Variants in LRRIQ1 observed in about 807,000 individuals in gnomAD.
LRRIQ1 encodes the protein leucine rich repeats and IQ motif containing 1.
Under a neutral mutation model 211.9 loss-of-function variants are expected in LRRIQ1, and 210 were observed. That is an observed-to-expected ratio of 0.99 (90% CI 0.89 to 1.11). LRRIQ1 has a LOEUF of 1.11. LRRIQ1 is among the 50% of genes most tolerant of loss of function. LRRIQ1 has a pLI of 0.00. For missense variants in LRRIQ1, 2,136 were observed against 1,939.5 expected, an observed-to-expected ratio of 1.10 and a Z score of -1.90; for synonymous variants, 699 against 650.1, an observed-to-expected ratio of 1.08 and a Z score of -1.14.
chr12:85,149,227 T>C (rs938245955), intron 19 of LRRIQ1, among the ~76,000 whole-genome samples: 1 of 152,078 alleles, frequency 6.6e-6, no homozygotes, highest in Non-Finnish European at 1.5e-5. Flanking sequence ...TCTTTGCCTA[T>C]GCCTGTGTCC....
chr12:85,101,777 A>G (rs1886361726), intron 13 of LRRIQ1, among the ~76,000 whole-genome samples: 1 of 151,776 alleles, frequency 6.6e-6, no homozygotes, highest in African/African-American at 2.4e-5. Flanking sequence ...TGAAAAGATT[A>G]CTTTCAATAT....
intron 26 of LRRIQ1, among the ~76,000 whole-genome samples, chr12:85,240,736 T>G (rs1895422948): frequency 6.6e-6 from 1 of 152,108 alleles, no homozygotes; most frequent in African/African-American, 2.4e-5. Flanking sequence ...GAACATTATG[T>G]TGAGTTAAAA....
chr12:85,156,198 C>CT (rs1156323637), intron 23 of LRRIQ1, among the ~76,000 whole-genome samples: 3 of 151,472 alleles, frequency 2.0e-5, no homozygotes, highest in Non-Finnish European at 4.4e-5. Context: ...TTTTGTTTTG[C>CT]TTTTTTTATC....
chr12:85,167,972 T>C (rs1052724874), intron 24 of LRRIQ1, among the ~76,000 whole-genome samples: 3 of 152,080 alleles, frequency 2.0e-5, no homozygotes, highest in African/African-American at 7.2e-5. Context: ...AATCCTGTCA[T>C]GAAGTCAATA....
chr12:85,182,618 T>C (rs1892036370), intron 24 of LRRIQ1, among the ~76,000 whole-genome samples: 1 of 152,168 alleles, frequency 6.6e-6, no homozygotes. Context: ...ATCATGTAGC[T>C]AATGTGAGCT....
chr12:85,225,154 TA>T (rs916429627), intron 24 of LRRIQ1, among the ~76,000 whole-genome samples: 4 of 152,078 alleles, frequency 2.6e-5, no homozygotes, highest in African/African-American at 9.7e-5. Context: ...CATTATTTCC[TA>T]AAAAAATTAG....
At chr12:85,146,119 C>T (rs948848224) in intron 19 of LRRIQ1, among the ~76,000 whole-genome samples, 4 of 145,098 alleles carry the variant, frequency 2.8e-5, no homozygotes, top group Admixed American at 2.0e-4. Context: ...AGACTTTAAT[C>T]CAACTATAGC....
downstream of LRRIQ1, chr12:85,264,553 T>C (rs1234694158): frequency 6.6e-6 from 1 of 152,092 alleles, no homozygotes; most frequent in African/African-American, 2.4e-5. Context: ...CTCAAACTTA[T>C]CATTTTGTAG....
chr12:85,146,030 G>C (rs546762511), intron 19 of LRRIQ1, among the ~76,000 whole-genome samples: 9 of 151,626 alleles, frequency 5.9e-5, no homozygotes, highest in Non-Finnish European at 3.0e-5. Context: ...TTTGCCTCAT[G>C]GTTCATGCAA....
intron 8 of LRRIQ1, among the ~76,000 whole-genome samples, chr12:85,060,363 T>C (rs1251737401): frequency 6.6e-6 from 1 of 152,014 alleles, no homozygotes. Flanking sequence ...TATTTTTATT[T>C]TTTATTTTTA....
At chr12:85,112,257 C>T (rs1032339171) in intron 15 of LRRIQ1, among the ~76,000 whole-genome samples, 2 of 151,730 alleles carry the variant, frequency 1.3e-5, no homozygotes, top group Non-Finnish European at 2.9e-5. Context: ...GATCTATTTT[C>T]TCTTAAAATG....
chr12:85,245,393 ATGTAAGAGT>A (rs1895671273), downstream of LRRIQ1, among the ~76,000 whole-genome samples: 1 of 151,062 alleles, frequency 6.6e-6, no homozygotes, highest in Non-Finnish European at 1.5e-5. Context: ...TCCATTGCAT[ATGTAAGAGT>A]TTGATTATGT....
chr12:85,230,962 G>C (rs1170051953), intron 25 of LRRIQ1, among the ~76,000 whole-genome samples: 2 of 151,972 alleles, frequency 1.3e-5, no homozygotes, highest in Non-Finnish European at 2.9e-5. Context: ...GCAGGAGAAT[G>C]GCACGAACCC....
intron 1 of LRRIQ1, among the ~76,000 whole-genome samples, chr12:85,252,284 T>C (rs1029438576): frequency 2.6e-5 from 4 of 151,930 alleles, no homozygotes; most frequent in African/African-American, 9.7e-5. Context: ...GGTAGTTTTC[T>C]ATTGAAAAGT....
chr12:85,217,470 ATATATATATATATATATATATG>A (rs1894145858), intron 24 of LRRIQ1, among the ~76,000 whole-genome samples: 1 of 77,010 alleles, frequency 1.3e-5, no homozygotes, highest in African/African-American at 1.3e-4. Flanking sequence ...CCTGAAGTAT[ATATATATATATATATATATATG>A]TATATATATA....
chr12:85,256,716 G>A (rs1268936038), intron 1 of LRRIQ1, among the ~76,000 whole-genome samples: 1 of 151,280 alleles, frequency 6.6e-6, no homozygotes, highest in East Asian at 1.9e-4. Flanking sequence ...AGCAACTACA[G>A]TATGACAGTT....
At chr12:85,219,338 A>G (rs1481389284) in intron 24 of LRRIQ1, among the ~76,000 whole-genome samples, 3 of 152,160 alleles carry the variant, frequency 2.0e-5, no homozygotes, top group Admixed American at 6.6e-5. Flanking sequence ...AAGCACAACT[A>G]TAGTCGATTT....
At chr12:85,141,608 A>G (rs1175073563) in intron 19 of LRRIQ1, among the ~76,000 whole-genome samples, 1 of 128,896 alleles carries the variant, frequency 7.8e-6, no homozygotes, top group Admixed American at 8.2e-5. Flanking sequence ...TACTGTTTTC[A>G]TAACGTATAT....
intron 24 of LRRIQ1, among the ~76,000 whole-genome samples, chr12:85,206,174 G>T (rs748775175): frequency 7.9e-5 from 12 of 152,184 alleles, no homozygotes; most frequent in African/African-American, 1.2e-4. Flanking sequence ...CTTCCAGGTG[G>T]GCTTTGGCAG....
Sources: allele counts gnomAD v4.1 joint callset (sites outside exome capture counted in the v4.1 genomes callset), GRCh38; gene constraint gnomAD v4.1.1; transcripts MANE v1.5; gene names NCBI Gene and HGNC (gene_info 2026-07-23, HGNC 2026-07-21).